TMEM144: variants seen among roughly 807,000 people sequenced by gnomAD.
The protein encoded by TMEM144 is transmembrane protein 144.
A neutral mutation model predicts 43.6 loss-of-function variants in TMEM144; 39 were observed. The observed-to-expected ratio is 0.90, with a 90% confidence interval of 0.69 to 1.17. The LOEUF (loss-of-function observed/expected upper bound fraction) is 1.17, where lower values mean the gene tolerates loss of function less well. TMEM144 is among the 50% of genes most tolerant of loss of function. The probability of loss-of-function intolerance (pLI) is 0.00; values close to 1 mark genes in which losing one functional copy is unlikely to be tolerated. For synonymous variants in TMEM144, 154 were observed against 133.6 expected, an observed-to-expected ratio of 1.15 and a Z score of -1.06; for missense variants, 417 against 411.9, an observed-to-expected ratio of 1.01 and a Z score of -0.11.
chr4:158,253,744 T>G lies in TMEM144; in HGVS notation c.*217T>G. 1 of 533,366 alleles carries G rather than the reference T, an allele frequency of 1.9e-6. No homozygotes were observed. The highest frequency in any genetic ancestry group is 3.3e-5 in the Admixed American group (1 of 29,980). 33.0% of individuals were successfully genotyped at this position (533,366 alleles called of 1,614,324 possible). A position where few individuals can be genotyped will look rare whatever the true frequency, so the allele number is the denominator to read the frequency against. On this transcript the variant is annotated 3_prime_UTR_variant, in exon 13 of 13. Coordinates refer to ENST00000296529, the MANE Select transcript of TMEM144 (RefSeq NM_018342.5). ...TGAAAATTTCTTCTGATGAACTGTTTATGAAGGTAGTACTTTACTGGGTGA... is the reference window on the plus strand; with the variant it reads ...TGAAAATTTCTTCTGATGAACTGTTGATGAAGGTAGTACTTTACTGGGTGA...
chr4:158,226,380 GC>G (rs1373177649), intron 6 of TMEM144, among the ~76,000 whole-genome samples: 1 of 152,122 alleles, frequency 6.6e-6, no homozygotes, highest in African/African-American at 2.4e-5. Flanking sequence ...TTTAGGAAAA[GC>G]CTGCTATGCT....
chr4:158,232,161 A>G (rs1419767215), intron 6 of TMEM144, among the ~76,000 whole-genome samples: 1 of 152,262 alleles, frequency 6.6e-6, no homozygotes, highest in African/African-American at 2.4e-5. Flanking sequence ...TTAAAAGCCA[A>G]GAGTAAGTGA....
chr4:158,245,904 G>T (rs1735870112), intron 12 of TMEM144, among the ~76,000 whole-genome samples: 1 of 151,668 alleles, frequency 6.6e-6, no homozygotes, highest in Admixed American at 6.6e-5. Context: ...CTCCAATCTG[G>T]ACAGCTGAGT....
intron 12 of TMEM144, among the ~76,000 whole-genome samples, chr4:158,248,136 A>C (rs1343834379): frequency 2.6e-5 from 4 of 151,282 alleles, no homozygotes; most frequent in African/African-American, 7.3e-5. Flanking sequence ...AAAAAAAAAA[A>C]AAAAAAAAAC....
In TMEM144 at chr4:158,253,728, C is replaced by A. The variant is rs1450524348; in HGVS notation, c.*201C>A. On this transcript the variant is annotated 3_prime_UTR_variant, in exon 13 of 13. Transcript: ENST00000296529. ...CATTCAAGTATAAAAATGAAAATTT[C>A]TTCTGATGAACTGTTTATGAAGGTA... is the stretch of plus-strand genomic sequence containing the variant. The A allele has an allele frequency of 1.8e-6, 1 of 554,594 alleles. No individual in the cohort carries two copies. The highest frequency in any genetic ancestry group is 3.2e-6 in the Non-Finnish European group (1 of 310,066). 34.4% of individuals were successfully genotyped at this position (554,594 alleles called of 1,614,324 possible). A position where few individuals can be genotyped will look rare whatever the true frequency, so the allele number is the denominator to read the frequency against.
chr4:158,239,725 A>G (rs1055090413), intron 9 of TMEM144, among the ~76,000 whole-genome samples: 3 of 152,130 alleles, frequency 2.0e-5, no homozygotes, highest in Admixed American at 6.6e-5. Flanking sequence ...TACATAATTC[A>G]TTGTTTCTTA....
intron 6 of TMEM144, among the ~76,000 whole-genome samples, chr4:158,221,593 A>G (rs1734513618): frequency 6.6e-6 from 1 of 152,212 alleles, no homozygotes; most frequent in South Asian, 2.1e-4. Flanking sequence ...GTCCTTTTCA[A>G]TTCAAATAAT....
chr4:158,251,172 G>A (rs1191578025), intron 12 of TMEM144, among the ~76,000 whole-genome samples: 1 of 152,162 alleles, frequency 6.6e-6, no homozygotes, highest in Non-Finnish European at 1.5e-5. Context: ...AATCTTAGAT[G>A]TATCTAAAAT....
chr4:158,251,316 CATGCCCTCATTGGCAGAGCCA>C (rs1736190721), intron 12 of TMEM144, among the ~76,000 whole-genome samples: 1 of 152,154 alleles, frequency 6.6e-6, no homozygotes, highest in South Asian at 2.1e-4. Flanking sequence ...CAGAGATTGC[CATGCCCTCATTGGCAGAGCCA>C]ATGCCCTTAA....
intron 7 of TMEM144, chr4:158,233,279 A>G: frequency 5.2e-6 from 1 of 190,574 alleles, no homozygotes; most frequent in South Asian, 1.5e-4. Flanking sequence ...GAGGAACCCT[A>G]AATACTGTAG....
chr4:158,242,761 T>A (rs559220638), intron 11 of TMEM144, among the ~76,000 whole-genome samples: 1 of 152,332 alleles, frequency 6.6e-6, no homozygotes, highest in Non-Finnish European at 1.5e-5. Context: ...TGAATCAGCT[T>A]AATCTTAAGA....
intron 9 of TMEM144, among the ~76,000 whole-genome samples, 172 bp downstream of exon 9, chr4:158,237,815 T>A (rs1036805306): frequency 4.6e-5 from 7 of 152,228 alleles, no homozygotes; most frequent in Non-Finnish European, 1.0e-4. Context: ...CATTTTCATA[T>A]GATCTTTAAC....
chr4:158,245,131 G>A (rs1470600206), intron 12 of TMEM144, among the ~76,000 whole-genome samples: 1 of 151,514 alleles, frequency 6.6e-6, no homozygotes, highest in East Asian at 1.9e-4. Context: ...AAACAGCATG[G>A]TAACAGGAGG....
At chr4:158,241,835 T>A (rs1035415138) in intron 11 of TMEM144, among the ~76,000 whole-genome samples, 6 of 152,216 alleles carry the variant, frequency 3.9e-5, no homozygotes, top group African/African-American at 1.2e-4. Flanking sequence ...ATCTTTAATA[T>A]CCTTGCAGTT....
At chr4:158,234,114 A>G (rs1219841654) in intron 7 of TMEM144, 1 of 152,388 alleles carries the variant, frequency 6.6e-6, no homozygotes, top group Admixed American at 6.5e-5. Context: ...AGAACCATGC[A>G]TCATGAGCTC....
chr4:158,250,935 T>C (rs2111158013), intron 12 of TMEM144, among the ~76,000 whole-genome samples: 1 of 152,234 alleles, frequency 6.6e-6, no homozygotes, highest in Middle Eastern at 3.4e-3. Flanking sequence ...CTGTTGGACC[T>C]CAGTGGCCAG....
intron 5 of TMEM144, among the ~76,000 whole-genome samples, chr4:158,217,678 A>T (rs1734295317): frequency 1.3e-5 from 2 of 152,200 alleles, no homozygotes. Flanking sequence ...ACTGATTTTT[A>T]TTGTCCCTTT....
At chr4:158,222,950 A>G (rs1025584526) in intron 6 of TMEM144, among the ~76,000 whole-genome samples, 6 of 152,202 alleles carry the variant, frequency 3.9e-5, no homozygotes, top group African/African-American at 1.4e-4. Flanking sequence ...TATTTGATGT[A>G]CTGCACCAAG....
intron 7 of TMEM144, chr4:158,233,220 GAT>G: frequency 1.1e-4 from 35 of 324,016 alleles, no homozygotes; most frequent in South Asian, 1.9e-4. Context: ...TCTACTAGGT[GAT>G]ATATATATAA....
Sources: allele counts gnomAD v4.1 joint callset (sites outside exome capture counted in the v4.1 genomes callset), GRCh38; gene constraint gnomAD v4.1.1; transcripts MANE v1.5; gene names NCBI Gene and HGNC (gene_info 2026-07-23, HGNC 2026-07-21).